Variants in BORCS5 observed in about 807,000 individuals in gnomAD.
BORCS5 encodes BLOC-1-related complex subunit 5.
In BORCS5, 17 loss-of-function variants were observed where a neutral mutation model predicts 22.1. The observed-to-expected ratio is 0.77, with a 90% CI of 0.53 to 1.15. The LOEUF (loss-of-function observed/expected upper bound fraction) is 1.15. Ranked by LOEUF, BORCS5 falls within the 50% of genes most tolerant of loss-of-function variation. BORCS5 has a pLI of 0.00. For synonymous variants in BORCS5, 117 were observed against 99.8 expected (o/e 1.17, Z -1.03); for missense variants, 247 against 253.2 (o/e 0.98, Z 0.17).
At chr12:12,457,070 G>A (rs1009656968) in intron 3 of BORCS5, among the ~76,000 whole-genome samples, 1 of 152,166 alleles carries the variant, frequency 6.6e-6, no homozygotes, top group African/African-American at 2.4e-5. Flanking sequence ...TGTAAAAGAG[G>A]TTTCTAGACA....
At chr12:12,364,022 GTTA>G (rs1863352060) in intron 2 of BORCS5, among the ~76,000 whole-genome samples, 1 of 152,110 alleles carries the variant, frequency 6.6e-6, no homozygotes, top group Admixed American at 6.6e-5. Flanking sequence ...TGTGTTATAT[GTTA>G]TTATATACTA....
rs538718189 is a variant in BORCS5 at position 12,384,283 on chromosome 12, G to A, written c.202+22934G>A. Among the ~76,000 whole-genome samples, 7 of 150,470 alleles carry A rather than the reference G, an allele frequency of 4.7e-5. No individual in the cohort carries two copies. In the South Asian group the frequency reaches 1.0e-3, roughly 23 times the overall value. On this transcript the variant is annotated intron_variant, in intron 2 of 3. Coordinates refer to ENST00000314565, the MANE Select transcript of BORCS5 (RefSeq NM_058169.6). ...AGGTGTGAGCCACCGTGCCTGGCCT[G>A]CTTTTTAAAATATATATATAATTTC...
At chr12:12,444,671 GA>G (rs1942748291) in intron 3 of BORCS5, among the ~76,000 whole-genome samples, 1 of 152,122 alleles carries the variant, frequency 6.6e-6, no homozygotes, top group Non-Finnish European at 1.5e-5. Flanking sequence ...CAGAAGGCCT[GA>G]TGCAAGGTTC....
intron 2 of BORCS5, among the ~76,000 whole-genome samples, chr12:12,428,352 A>C (rs1232268693): frequency 6.6e-6 from 1 of 152,254 alleles, no homozygotes; most frequent in Non-Finnish European, 1.5e-5. Flanking sequence ...AGGTAGGTAC[A>C]GATGGTAGTT....
At chr12:12,443,649 A>G (rs989227404) in intron 3 of BORCS5, among the ~76,000 whole-genome samples, 6 of 152,228 alleles carry the variant, frequency 3.9e-5, no homozygotes, top group Non-Finnish European at 7.3e-5. Context: ...TTGGAAATGT[A>G]GGCTTGTGTT....
chr12:12,469,885 T>G lies in BORCS5; in HGVS notation c.*4109T>G, dbSNP rs1943262648. 6.6e-6 allele frequency among the ~76,000 whole-genome samples: 1 copy of G among 152,228 alleles called. No homozygotes were observed. Among genetic ancestry groups the G allele is most frequent in the Non-Finnish European group, 1.5e-5 (1 of 68,038 alleles). ...AGTTTTGCTTTTCTTTCCCTGACCT[T>G]TCGCTTCATTCCTTTGTTAAGAACT... On this transcript the variant is annotated 3_prime_UTR_variant, in exon 4 of 4. Transcript: ENST00000314565.
At chr12:12,362,636 CTTTTTTTTT>C (rs71436712) in intron 2 of BORCS5, among the ~76,000 whole-genome samples, 22 of 57,556 alleles carry the variant, frequency 3.8e-4, no homozygotes, top group Non-Finnish European at 6.8e-4. Flanking sequence ...TGTTACTCAT[CTTTTTTTTT>C]TTTTTTTTTT....
intron 3 of BORCS5, 133 bp downstream of exon 3, chr12:12,435,918 T>A: frequency 3.3e-6 from 3 of 906,864 alleles, no homozygotes; most frequent in Non-Finnish European, 4.8e-6. Context: ...TAAAATGTGA[T>A]GATGAAAAAA....
chr12:12,401,938 C>A (rs907570659), intron 2 of BORCS5, among the ~76,000 whole-genome samples: 1 of 151,264 alleles, frequency 6.6e-6, no homozygotes, highest in Admixed American at 6.6e-5. Context: ...TGGTGGTGGG[C>A]GCCTGTAGTC....
chr12:12,417,834 G>T (rs1313032769), intron 2 of BORCS5, among the ~76,000 whole-genome samples: 1 of 151,858 alleles, frequency 6.6e-6, no homozygotes, highest in African/African-American at 2.4e-5. Context: ...TAGAGATGGG[G>T]TTTCACCATG....
At chr12:12,427,751 G>A (rs1392083569) in intron 2 of BORCS5, among the ~76,000 whole-genome samples, 2 of 152,120 alleles carry the variant, frequency 1.3e-5, no homozygotes, top group East Asian at 1.9e-4. Flanking sequence ...TGCCTCTGCC[G>A]AGGACCTGCT....
At chr12:12,451,803 A>G (rs1243488509) in intron 3 of BORCS5, among the ~76,000 whole-genome samples, 2 of 152,074 alleles carry the variant, frequency 1.3e-5, no homozygotes, top group African/African-American at 2.4e-5. Context: ...CTGTAGTCCC[A>G]GCTACTCAGG....
chr12:12,399,307 G>GAA (rs200122750), intron 2 of BORCS5, among the ~76,000 whole-genome samples: 1 of 150,266 alleles, frequency 6.7e-6, no homozygotes, highest in African/African-American at 2.4e-5. Flanking sequence ...TGGAGGGAAG[G>GAA]AAAAAAAAAG....
intron 2 of BORCS5, 139 bp from the exon 3 acceptor site, chr12:12,435,489 C>T (rs1185661948): frequency 3.4e-5 from 25 of 737,152 alleles, no homozygotes; most frequent in South Asian, 2.4e-4. Flanking sequence ...ATAATTGCAA[C>T]GATTGTCATT....
chr12:12,400,195 T>G (rs1045752778), intron 2 of BORCS5, among the ~76,000 whole-genome samples: 1 of 152,238 alleles, frequency 6.6e-6, no homozygotes, highest in African/African-American at 2.4e-5. Context: ...ATTTTTAGCT[T>G]TTTCACTAGT....
At chr12:12,409,432 A>C (rs1941667886) in intron 2 of BORCS5, among the ~76,000 whole-genome samples, 1 of 150,806 alleles carries the variant, frequency 6.6e-6, no homozygotes, top group Non-Finnish European at 1.5e-5. Context: ...CCATGAACAC[A>C]TGGACACTTA....
chr12:12,361,388 G>A, intron 2 of BORCS5, 39 bp downstream of exon 2: 1 of 1,606,104 alleles, frequency 6.2e-7, no homozygotes, highest in Non-Finnish European at 8.5e-7. Context: ...ACTTGCTGGA[G>A]ACGTTTGTGT....
intron 2 of BORCS5, among the ~76,000 whole-genome samples, chr12:12,389,931 A>C (rs544121281): frequency 6.6e-6 from 1 of 152,134 alleles, no homozygotes; most frequent in Non-Finnish European, 1.5e-5. Flanking sequence ...GCCATGAGGC[A>C]CTGCGCCTGG....
At chr12:12,457,594 C>CG (rs372560739) in intron 3 of BORCS5, among the ~76,000 whole-genome samples, 1,954 of 152,162 alleles carry the variant, frequency 0.013, 36 homozygotes, top group African/African-American at 0.044. Flanking sequence ...GCGTGAACCC[C>CG]GGGGGGCAGA....
Sources: gnomAD v4.1 joint callset for allele counts (sites outside exome capture counted in the v4.1 genomes callset) on GRCh38, gnomAD v4.1.1 for gene constraint, MANE v1.5 for transcripts, NCBI Gene and HGNC (gene_info 2026-07-23, HGNC 2026-07-21) for gene names.